CDH18: variants seen among roughly 807,000 people sequenced by gnomAD.
CDH18 encodes cadherin 18.
A neutral mutation model predicts 67.9 loss-of-function variants in CDH18; 31 were observed. The ratio of observed to expected loss-of-function variants is 0.46; its 90% CI spans 0.34 to 0.62. The LOEUF is 0.62. Among genes scored for constraint, CDH18 ranks in the 20% least tolerant of loss-of-function variants. The pLI is 0.01. For synonymous variants in CDH18, 362 were observed against 347.2 expected, an observed-to-expected ratio of 1.04 and a Z score of -0.48; for missense variants, 890 against 975.5, an observed-to-expected ratio of 0.91 and a Z score of 1.17.
At chr5:19,699,553 G>A (rs1762942832) in intron 5 of CDH18, among the ~76,000 whole-genome samples, 1 of 151,914 alleles carries the variant, frequency 6.6e-6, no homozygotes, top group South Asian at 2.1e-4. Flanking sequence ...TCACGAATGG[G>A]ATCAGTTCTC....
intron 2 of CDH18, among the ~76,000 whole-genome samples, chr5:19,850,809 T>C (rs1190404686): frequency 6.6e-6 from 1 of 151,896 alleles, no homozygotes; most frequent in African/African-American, 2.4e-5. Flanking sequence ...CTTAGAAAAG[T>C]AACAGGTTTT....
chr5:20,037,288 G>A (rs1245799717), intron 2 of CDH18, among the ~76,000 whole-genome samples: 1 of 151,914 alleles, frequency 6.6e-6, no homozygotes, highest in African/African-American at 2.4e-5. Context: ...CTTCTTCAAG[G>A]AGCTCTTGTA....
intron 2 of CDH18, among the ~76,000 whole-genome samples, chr5:19,885,908 A>G (rs1241025307): frequency 6.6e-6 from 1 of 152,166 alleles, no homozygotes. Context: ...GCGTTGATAG[A>G]TCTTATCTAC....
At chr5:19,544,569 T>C (rs1161849407) in intron 8 of CDH18, among the ~76,000 whole-genome samples, 7 of 152,140 alleles carry the variant, frequency 4.6e-5, no homozygotes, top group Non-Finnish European at 1.5e-5. Flanking sequence ...TAGGTTGAAT[T>C]ATAGGCCACA....
chr5:20,258,041 T>C (rs1462255319), intron 1 of CDH18, among the ~76,000 whole-genome samples: 1 of 152,114 alleles, frequency 6.6e-6, no homozygotes, highest in Non-Finnish European at 1.5e-5. Context: ...TTTCAATTCA[T>C]TCTCCAATTT....
At chr5:19,673,445 TCTTAA>T (rs1759035841) in intron 5 of CDH18, among the ~76,000 whole-genome samples, 1 of 152,034 alleles carries the variant, frequency 6.6e-6, no homozygotes, top group African/African-American at 2.4e-5. Flanking sequence ...TTTTAAGCTT[TCTTAA>T]CTTAGGCCTA....
chr5:20,365,087 C>T (rs553238936), intron 1 of CDH18, among the ~76,000 whole-genome samples: 5 of 152,238 alleles, frequency 3.3e-5, no homozygotes, highest in South Asian at 4.1e-4. Context: ...TATCACAGAC[C>T]GGATGATTTA....
chr5:20,391,389 T>A (rs1353638533), intron 1 of CDH18, among the ~76,000 whole-genome samples: 1 of 151,984 alleles, frequency 6.6e-6, no homozygotes, highest in Non-Finnish European at 1.5e-5. Context: ...AGTTGCTATA[T>A]GATAGAATTT....
intron 2 of CDH18, among the ~76,000 whole-genome samples, chr5:20,182,302 A>C (rs1244247839): frequency 1.3e-5 from 2 of 151,996 alleles, no homozygotes; most frequent in Admixed American, 6.6e-5. Flanking sequence ...CCCAAAATTT[A>C]TGTTAAAACT....
chr5:20,101,858 G>A (rs143553223), intron 2 of CDH18, among the ~76,000 whole-genome samples: 4,869 of 152,246 alleles, frequency 0.032, 141 homozygotes, highest in Admixed American at 0.098. Flanking sequence ...CGGGTCACAA[G>A]GTCAGGAGTT....
At chr5:20,473,851 G>T (rs1304613897) in intron 1 of CDH18, among the ~76,000 whole-genome samples, 1 of 152,124 alleles carries the variant, frequency 6.6e-6, no homozygotes, top group Non-Finnish European at 1.5e-5. Context: ...CAATAGAGAA[G>T]ACATTGTCCA....
intron 2 of CDH18, among the ~76,000 whole-genome samples, chr5:19,969,851 A>G (rs949619519): frequency 5.3e-5 from 8 of 152,132 alleles, no homozygotes; most frequent in African/African-American, 1.9e-4. Context: ...TAATAATAAA[A>G]TAAAAAAAGA....
intron 5 of CDH18, among the ~76,000 whole-genome samples, chr5:19,641,250 C>T (rs1453586463): frequency 1.3e-5 from 2 of 151,254 alleles, no homozygotes; most frequent in South Asian, 4.2e-4. Flanking sequence ...GGTTATATTC[C>T]ACCAAACATT....
intron 3 of CDH18, among the ~76,000 whole-genome samples, chr5:19,818,502 A>G (rs765721810): frequency 6.6e-6 from 1 of 152,242 alleles, no homozygotes; most frequent in Non-Finnish European, 1.5e-5. Context: ...TTTTAAAATT[A>G]TAGTGACTAA....
At chr5:20,410,714 T>G (rs1746697004) in intron 1 of CDH18, among the ~76,000 whole-genome samples, 1 of 151,730 alleles carries the variant, frequency 6.6e-6, no homozygotes, top group South Asian at 2.1e-4. Flanking sequence ...ATATAAAATT[T>G]TCTTTGTAGG....
In CDH18 at chr5:20,201,517, G is replaced by GTTTTT. The variant is rs1364450340; in HGVS notation, c.-518+53922_-518+53926dup. Among the ~76,000 whole-genome samples the GTTTTT allele has an allele frequency of 2.6e-5, 4 of 151,358 alleles. No individual in the cohort carries two copies. The East Asian group carries it at 7.8e-4, about 30-fold the overall frequency. On this transcript the variant is annotated intron_variant, in intron 2 of 14. Coordinates refer to the CDH18 transcript ENST00000507958. The stretch of plus-strand genomic sequence containing the variant: ...AGTGTTTTTTTTTGTTTTTGTTTTT[G>GTTTTT]TTTTTTGTCAATGCAGTATTTTAGT...
rs774418996 is a variant in CDH18 at position 19,483,320 on chromosome 5, GAGA to G, written c.1860_1862del (p.Leu621del). On this transcript the variant is annotated inframe_deletion, in exon 12 of 13. Coordinates refer to ENST00000382275, the MANE Select transcript of CDH18 (RefSeq NM_004934.5). The stretch of plus-strand genomic sequence containing the variant: ...ACTTACCCAGGAGAATGAGAACACA[GAGA>G]AGAATAGCGATTAAGGCTCCTGTAC... 4 of 1,613,676 alleles carry G rather than the reference GAGA, an allele frequency of 2.5e-6. No individual in the cohort carries two copies. Among genetic ancestry groups the G allele is most frequent in the Non-Finnish European group, 3.4e-6 (4 of 1,179,770 alleles).
intron 5 of CDH18, among the ~76,000 whole-genome samples, chr5:19,679,423 T>G (rs1199046004): frequency 6.6e-6 from 1 of 151,994 alleles, no homozygotes; most frequent in Non-Finnish European, 1.5e-5. Context: ...TTGCCACTCC[T>G]ATTCAACATA....
At chr5:19,591,821 G>C (rs1482292103) in intron 6 of CDH18, among the ~76,000 whole-genome samples, 6 of 152,030 alleles carry the variant, frequency 3.9e-5, no homozygotes, top group Non-Finnish European at 8.8e-5. Context: ...AAAAGGATTT[G>C]AGGTGGCTTC....
Sources: allele counts gnomAD v4.1 joint callset (sites outside exome capture counted in the v4.1 genomes callset), GRCh38; gene constraint gnomAD v4.1.1; transcripts MANE v1.5; gene names NCBI Gene and HGNC (gene_info 2026-07-23, HGNC 2026-07-21).